The following CTNNA2 variants were observed in gnomAD, a reference collection of about 807,000 sequenced individuals.
The protein encoded by CTNNA2 is catenin alpha 2, also known as catenin alpha-2.
CTNNA2 carries 42 observed loss-of-function variants against 101.0 expected under a neutral mutation model. That is an observed-to-expected ratio of 0.42 (90% CI 0.32 to 0.54). The LOEUF (loss-of-function observed/expected upper bound fraction) is 0.54, where lower values mean the gene tolerates loss of function less well. CTNNA2 is among the 20% of genes least tolerant of loss of function. The probability of loss-of-function intolerance (pLI) is 0.14; values close to 1 mark genes in which losing one functional copy is unlikely to be tolerated. For synonymous variants in CTNNA2, 450 were observed against 456.4 expected (o/e 0.99, Z 0.18); for missense variants, 871 against 1,223.1 (o/e 0.71, Z 4.29).
At chr2:80,290,958 A>G (rs549806270) in intron 7 of CTNNA2, among the ~76,000 whole-genome samples, 7 of 152,334 alleles carry the variant, frequency 4.6e-5, no homozygotes, top group African/African-American at 1.7e-4. Context: ...CCCTGCTAGT[A>G]TAGATTCAAG....
chr2:79,338,575 A>ATCTTCTTTTTCTTCT (rs1239699778), intron 3 of CTNNA2, among the ~76,000 whole-genome samples: 2 of 115,422 alleles, frequency 1.7e-5, no homozygotes, highest in Non-Finnish European at 3.6e-5. Context: ...CTTCCTCCTC[A>ATCTTCTTTTTCTTCT]TCATCTTCTT....
intron 7 of CTNNA2, among the ~76,000 whole-genome samples, chr2:80,373,272 A>G (rs1259385233): frequency 6.6e-6 from 1 of 152,202 alleles, no homozygotes; most frequent in African/African-American, 2.4e-5. Flanking sequence ...CCAGCTTTGC[A>G]TGTATTTCTT....
At chr2:79,941,397 AC>A (rs1193544694) in intron 7 of CTNNA2, among the ~76,000 whole-genome samples, 1 of 152,144 alleles carries the variant, frequency 6.6e-6, no homozygotes, top group Non-Finnish European at 1.5e-5. Context: ...TCCAGCAGCA[AC>A]CATTCTGGTG....
intron 1 of CTNNA2, among the ~76,000 whole-genome samples, chr2:79,603,228 C>T (rs1460074112): frequency 6.6e-6 from 1 of 152,076 alleles, no homozygotes; most frequent in African/African-American, 2.4e-5. Context: ...ATATGTGCCT[C>T]ATACCACATA....
At chr2:80,249,726 A>G (rs1465966949) in intron 7 of CTNNA2, among the ~76,000 whole-genome samples, 2 of 152,142 alleles carry the variant, frequency 1.3e-5, no homozygotes, top group Non-Finnish European at 2.9e-5. Flanking sequence ...GCCTGTCAAC[A>G]TCCTGGCATG....
At chr2:79,688,434 C>G (rs971734948) in intron 2 of CTNNA2, among the ~76,000 whole-genome samples, 14 of 151,668 alleles carry the variant, frequency 9.2e-5, no homozygotes, top group Admixed American at 9.2e-4. Context: ...TAATTAAAAA[C>G]AAATCAAATA....
intron 11 of CTNNA2, among the ~76,000 whole-genome samples, chr2:80,549,285 G>C (rs919081702): frequency 3.3e-5 from 5 of 152,136 alleles, no homozygotes; most frequent in Admixed American, 2.0e-4. Context: ...ATCTGAAAAA[G>C]CTATTAACTT....
chr2:79,344,522 A>G (rs759532672), intron 3 of CTNNA2, among the ~76,000 whole-genome samples: 13 of 152,094 alleles, frequency 8.5e-5, no homozygotes, highest in African/African-American at 1.4e-4. Context: ...ATGAAACGCA[A>G]TAGCCTCCTA....
At chr2:79,475,942 C>A (rs1020033119) in intron 4 of CTNNA2, among the ~76,000 whole-genome samples, 2 of 152,102 alleles carry the variant, frequency 1.3e-5, no homozygotes, top group Non-Finnish European at 2.9e-5. Context: ...GAGTTCCATA[C>A]AATGGCAAAT....
At chr2:79,477,231 C>T (rs1466049932) in intron 4 of CTNNA2, among the ~76,000 whole-genome samples, 9 of 146,168 alleles carry the variant, frequency 6.2e-5, no homozygotes, top group South Asian at 4.3e-4. Context: ...AGTACAGTGG[C>T]GCAATCTCAG....
At chr2:80,289,629 C>T (rs1164323138) in intron 7 of CTNNA2, among the ~76,000 whole-genome samples, 1 of 152,104 alleles carries the variant, frequency 6.6e-6, no homozygotes, top group Admixed American at 6.6e-5. Flanking sequence ...AGCAATTTGG[C>T]CAACTCAATG....
chr2:80,596,565 G>A (rs1049330767), intron 15 of CTNNA2, among the ~76,000 whole-genome samples: 8 of 151,920 alleles, frequency 5.3e-5, no homozygotes, highest in Middle Eastern at 3.4e-3. Context: ...GCCCACCTTG[G>A]CCTCTCAAAG....
chr2:79,483,390 A>C (rs985778229), intron 4 of CTNNA2, among the ~76,000 whole-genome samples: 3 of 152,210 alleles, frequency 2.0e-5, no homozygotes, highest in Admixed American at 2.0e-4. Flanking sequence ...AAAGGGGCAC[A>C]TCATTGCCAG....
chr2:79,638,510 C>T (rs916767018), intron 1 of CTNNA2, among the ~76,000 whole-genome samples: 2 of 152,084 alleles, frequency 1.3e-5, no homozygotes, highest in African/African-American at 2.4e-5. Context: ...TAATGTGTTA[C>T]GACCTTTCAA....
intron 2 of CTNNA2, among the ~76,000 whole-genome samples, chr2:79,246,476 T>C (rs1344802065): frequency 6.6e-6 from 1 of 152,228 alleles, no homozygotes; most frequent in Non-Finnish European, 1.5e-5. Flanking sequence ...GAAACTGTCA[T>C]GCAAGTCCAC....
intron 7 of CTNNA2, among the ~76,000 whole-genome samples, chr2:80,026,467 A>G (rs1345851433): frequency 3.3e-5 from 5 of 152,302 alleles, no homozygotes; most frequent in African/African-American, 9.6e-5. Flanking sequence ...ATTTATTGGT[A>G]CTGCTGGACA....
chr2:79,468,711 C>G lies in CTNNA2; in HGVS notation c.-134-36343C>G, dbSNP rs1389713732. On this transcript the variant is annotated intron_variant, in intron 4 of 21. Transcript: ENST00000466387. ...ACCACAGTGCAATCAAACTAGCACTCAAGATTAAGAAACGCACTCAAAACC... is the reference window on the plus strand; with the variant it reads ...ACCACAGTGCAATCAAACTAGCACTGAAGATTAAGAAACGCACTCAAAACC... Among the ~76,000 whole-genome samples the G allele has an allele frequency of 2.6e-5, 4 of 152,158 alleles. No individual in the cohort carries two copies. The East Asian group carries it at 5.8e-4, about 22-fold the overall frequency.
At chr2:80,530,438 T>G (rs1048693004) in intron 9 of CTNNA2, among the ~76,000 whole-genome samples, 1 of 152,206 alleles carries the variant, frequency 6.6e-6, no homozygotes, top group Non-Finnish European at 1.5e-5. Context: ...CCAGGAGGCC[T>G]TGTCAGACTG....
intron 4 of CTNNA2, among the ~76,000 whole-genome samples, chr2:79,860,275 A>C (rs1045385172): frequency 6.6e-6 from 1 of 152,108 alleles, no homozygotes; most frequent in Non-Finnish European, 1.5e-5. Flanking sequence ...TACATCTCAT[A>C]TGTCATTGTT....
Sources: allele counts gnomAD v4.1 joint callset (sites outside exome capture counted in the v4.1 genomes callset), GRCh38; gene constraint gnomAD v4.1.1; transcripts MANE v1.5; gene names NCBI Gene and HGNC (gene_info 2026-07-23, HGNC 2026-07-21).